Variants in BMPR1A observed in about 807,000 individuals in gnomAD.
The protein encoded by BMPR1A is bone morphogenetic protein receptor type 1A.
A neutral mutation model predicts 66.0 loss-of-function variants in BMPR1A; 7 were observed. The ratio of observed to expected loss-of-function variants is 0.11; its 90% confidence interval spans 0.06 to 0.20. The LOEUF (loss-of-function observed/expected upper bound fraction) is 0.20. BMPR1A is among the 10% of genes least tolerant of loss of function. The pLI is 1.00. For missense variants in BMPR1A, 408 were observed against 669.1 expected (o/e 0.61, Z 4.31); for synonymous variants, 200 against 229.7 (o/e 0.87, Z 1.17).
At position 86,883,172 on chromosome 10, in the gene BMPR1A, T is replaced by C. The variant is rs375366765; in HGVS notation, c.68-6890T>C. On this transcript the variant is annotated intron_variant, in intron 3 of 12. Transcript: ENST00000372037. The stretch of plus-strand genomic sequence containing the variant: ...CACCCTTGGATTATCGTGGGTAATT[T>C]TGAAATAATATTTCAGTTAAGTATA... Among the ~76,000 whole-genome samples, 8 of 152,038 alleles carry C rather than the reference T, an allele frequency of 5.3e-5. No individual in the cohort carries two copies. In the East Asian group the frequency reaches 1.2e-3, roughly 22 times the overall value.
chr10:86,907,818 G>A (rs538624037), intron 7 of BMPR1A, among the ~76,000 whole-genome samples: 2 of 152,284 alleles, frequency 1.3e-5, no homozygotes, highest in South Asian at 4.1e-4. Flanking sequence ...AAAGGAGGGA[G>A]GGAGGTTGGA....
At chr10:86,792,671 T>C (rs1841645426) in intron 1 of BMPR1A, among the ~76,000 whole-genome samples, 2 of 152,116 alleles carry the variant, frequency 1.3e-5, no homozygotes, top group Admixed American at 1.3e-4. Flanking sequence ...CATGTATGAC[T>C]GAGTGACTAA....
At chr10:86,855,913 A>C (rs11814455) in intron 2 of BMPR1A, 3 of 658,084 alleles carry the variant, frequency 4.6e-6, no homozygotes, top group Admixed American at 2.4e-5. Context: ...ACTGGCTAGG[A>C]TTGTTGATAT....
rs945593412 is a variant in BMPR1A at position 86,870,780 on chromosome 10, C to CT, written c.-152-5076dup. 4.1e-3 allele frequency among the ~76,000 whole-genome samples: 605 copies of CT among 147,194 alleles called. 2 individuals carry two copies. The highest frequency in any genetic ancestry group is 7.0e-3 in the Non-Finnish European group (462 of 66,268). On this transcript the variant is annotated intron_variant, in intron 2 of 12. Coordinates refer to ENST00000372037, the MANE Select transcript of BMPR1A (RefSeq NM_004329.3). Reference sequence around the variant, plus strand: ...TCCACTATACCACTGCCACCCTATTCTTTTTTTTTTTAATTCATCCATCTG... The same window carrying CT: ...TCCACTATACCACTGCCACCCTATTCTTTTTTTTTTTTAATTCATCCATCTG...
At chr10:86,906,723 C>CAAAAAAAAAAAAAAAAAAAAA (rs929716555) in intron 7 of BMPR1A, among the ~76,000 whole-genome samples, 3 of 10,698 alleles carry the variant, frequency 2.8e-4, no homozygotes, top group Non-Finnish European at 3.5e-4. Context: ...GACTCCGTCT[C>CAAAAAAAAAAAAAAAAAAAAA]AAAAAAAAAA....
In BMPR1A at chr10:86,759,508, G is replaced by A. The variant is rs74802793; in HGVS notation, c.-268+2589G>A. On this transcript the variant is annotated intron_variant, in intron 1 of 12. Transcript: ENST00000372037. ...TCCTTAGCAAACTTGCCTCTTTGGT[G>A]TTCTTTATTTTTGTTGATGTCATAC... 9.0e-3 allele frequency among the ~76,000 whole-genome samples: 1,370 copies of A among 152,208 alleles called. 18 individuals are homozygous for A. The highest frequency in any genetic ancestry group is 0.031 in the African/African-American group (1,306 of 41,526).
chr10:86,805,566 A>G (rs1841878643), intron 1 of BMPR1A, among the ~76,000 whole-genome samples: 1 of 151,122 alleles, frequency 6.6e-6, no homozygotes, highest in African/African-American at 2.4e-5. Flanking sequence ...AGTTCAAGCA[A>G]TTCTCCTGCC....
intron 7 of BMPR1A, among the ~76,000 whole-genome samples, chr10:86,907,021 C>G (rs1843404572): frequency 6.6e-6 from 1 of 152,046 alleles, no homozygotes; most frequent in Non-Finnish European, 1.5e-5. Context: ...TTTTCCCTTT[C>G]TCACATTCCT....
chr10:86,909,473 T>TC (rs1843445270), intron 7 of BMPR1A, among the ~76,000 whole-genome samples: 1 of 151,600 alleles, frequency 6.6e-6, no homozygotes, highest in African/African-American at 2.4e-5. Flanking sequence ...GTGCCTGCAG[T>TC]CCCAGCTACT....
chr10:86,892,378 G>T (rs1161634409), intron 5 of BMPR1A, 149 bp downstream of exon 5: 2 of 647,422 alleles, frequency 3.1e-6, no homozygotes, highest in Admixed American at 2.7e-5. Flanking sequence ...TCTAGATTCT[G>T]TCCTGTATTC....
At chr10:86,798,069 A>C (rs1841750181) in intron 1 of BMPR1A, among the ~76,000 whole-genome samples, 7 of 152,146 alleles carry the variant, frequency 4.6e-5, no homozygotes, top group Admixed American at 4.6e-4. Context: ...AGTGAGATTA[A>C]GACATTTTTG....
chr10:86,898,246 C>CATAT lies in BMPR1A; in HGVS notation c.334-1547_334-1546insTATA, dbSNP rs1167316431. Among the ~76,000 whole-genome samples the CATAT allele has an allele frequency of 1.5e-4, 22 of 142,118 alleles. No individual in the cohort carries two copies. The Admixed American group carries it at 1.6e-3, about 10-fold the overall frequency. 93.2% of individuals were successfully genotyped at this position (142,118 alleles called of 152,430 possible). ...TTTTAAAGAAAAGGGACGTATATAACACATATATATATAACATATATATAA... is the reference window on the plus strand; with the variant it reads ...TTTTAAAGAAAAGGGACGTATATAACATATACATATATATATAACATATATATAA... On this transcript the variant is annotated intron_variant, in intron 5 of 12. Transcript: ENST00000372037.
chr10:86,792,341 AG>A (rs1263057363), intron 1 of BMPR1A, among the ~76,000 whole-genome samples: 1 of 152,190 alleles, frequency 6.6e-6, no homozygotes, highest in Admixed American at 6.5e-5. Flanking sequence ...CTGGGATTAC[AG>A]GCATGAGCCA....
chr10:86,869,616 G>A (rs1312338226), intron 2 of BMPR1A, among the ~76,000 whole-genome samples: 1 of 152,104 alleles, frequency 6.6e-6, no homozygotes, highest in African/African-American at 2.4e-5. Context: ...AATTAGCTGG[G>A]CGTGATGGCG....
chr10:86,859,844 T>C (rs1842690615), intron 2 of BMPR1A, among the ~76,000 whole-genome samples: 1 of 151,946 alleles, frequency 6.6e-6, no homozygotes, highest in African/African-American at 2.4e-5. Flanking sequence ...AATTGACCCA[T>C]GCAGTTCCAA....
At chr10:86,903,499 A>G (rs944560918) in intron 7 of BMPR1A, among the ~76,000 whole-genome samples, 1 of 152,132 alleles carries the variant, frequency 6.6e-6, no homozygotes, top group Admixed American at 6.5e-5. Flanking sequence ...ACAACTTCAG[A>G]TGGCCTAATA....
intron 1 of BMPR1A, among the ~76,000 whole-genome samples, chr10:86,827,776 T>G (rs956927119): frequency 6.6e-6 from 1 of 152,212 alleles, no homozygotes; most frequent in Non-Finnish European, 1.5e-5. Context: ...GTTTACTTTT[T>G]TAGCTCCACC....
At chr10:86,915,405 A>AT (rs1843552307) in intron 8 of BMPR1A, among the ~76,000 whole-genome samples, 1 of 152,174 alleles carries the variant, frequency 6.6e-6, no homozygotes, top group Admixed American at 6.5e-5. Flanking sequence ...CATGATATAG[A>AT]TTTGTCCAAG....
intron 1 of BMPR1A, among the ~76,000 whole-genome samples, chr10:86,775,530 T>C (rs1038499883): frequency 6.6e-6 from 1 of 152,176 alleles, no homozygotes; most frequent in African/African-American, 2.4e-5. Context: ...GAAAGTTTCA[T>C]TTTTTGGACA....
Sources: gnomAD v4.1 joint callset for allele counts (sites outside exome capture counted in the v4.1 genomes callset) on GRCh38, gnomAD v4.1.1 for gene constraint, MANE v1.5 for transcripts, NCBI Gene and HGNC (gene_info 2026-07-23, HGNC 2026-07-21) for gene names.